Variants in TMEM179 observed in about 807,000 individuals in gnomAD.
TMEM179 encodes transmembrane protein 179A.
In TMEM179, 17 loss-of-function variants were observed where a neutral mutation model predicts 22.2. That is an observed-to-expected ratio of 0.77 (90% confidence interval 0.52 to 1.15). The LOEUF is 1.15. Among genes scored for constraint, TMEM179 ranks in the 50% most tolerant of loss-of-function variants. TMEM179 has a pLI of 0.00. For missense variants in TMEM179, 265 were observed against 313.6 expected (o/e 0.84, Z 1.17); for synonymous variants, 127 against 140.5 (o/e 0.90, Z 0.68).
chr14:104,596,196 G>A (rs889333731), intron 2 of TMEM179, among the ~76,000 whole-genome samples: 4 of 152,254 alleles, frequency 2.6e-5, no homozygotes, highest in African/African-American at 7.2e-5. Context: ...TGCATCTGTT[G>A]CAGATGCTGG....
rs1475970499 is a variant in TMEM179 at position 104,595,592 on chromosome 14, G to A, written c.444-349C>T. On this transcript the variant is annotated intron_variant, in intron 2 of 3. Coordinates refer to ENST00000556573, the MANE Select transcript of TMEM179 (RefSeq NM_001286389.2). This position sits in a 1 kb window ranked among gnomAD's most constrained non-coding sequence, Gnocchi z 5.7. ...GCCCCTCCCTGTCCTGACCCAGGAC[G>A]GCCGGAAGACGCCAGCTCAGCCTCT... 5.3e-5 allele frequency among the ~76,000 whole-genome samples: 8 copies of A among 149,804 alleles called. No homozygotes were observed. The highest frequency in any genetic ancestry group is 3.3e-3 in the Middle Eastern group (1 of 304).
rs1254096988 is a variant in TMEM179, at chr14:104,591,285, C to T, written c.*2194G>A. ...CCCAACCGGGGCCAAGCCTCAGGTT[C>T]CAGAAGCCACCCCTGCCTCCTGCCC... On this transcript the variant is annotated 3_prime_UTR_variant, in exon 4 of 4. Coordinates refer to ENST00000556573, the MANE Select transcript of TMEM179 (RefSeq NM_001286389.2). 4 of 440,976 alleles carry T rather than the reference C, an allele frequency of 9.1e-6. No homozygotes were observed. The highest frequency in any genetic ancestry group is 1.8e-5 in the Non-Finnish European group (4 of 221,326). 27.3% of individuals were successfully genotyped at this position (440,976 alleles called of 1,614,324 possible). A position where few individuals can be genotyped will look rare whatever the true frequency, so the allele number is the denominator to read the frequency against.
rs1887055703 is a variant in TMEM179 at position 104,597,131 on chromosome 14, C to T, written c.306-4G>A. On this transcript the variant is annotated splice_polypyrimidine_tract_variant and splice_region_variant and intron_variant, in intron 1 of 3. Transcript: ENST00000556573. This position sits in a 1 kb window ranked among gnomAD's most constrained non-coding sequence, Gnocchi z 4.8. ...CAGGAAGGCGGAGAAGAAGGAGCTG[C>T]AGCCAGAAACAGGAGGGGCAGGCTC... 2 of 1,583,000 alleles carry T rather than the reference C, an allele frequency of 1.3e-6. No homozygotes were observed. The highest frequency in any genetic ancestry group is 1.8e-5 in the Admixed American group (1 of 55,654).
Position 104,593,170 on chromosome 14 carries a change from G to A in TMEM179, c.*309C>T, listed in dbSNP as rs998609231. 8.8e-6 allele frequency: 4 copies of A among 452,226 alleles called. No homozygotes were observed. Among genetic ancestry groups the A allele is most frequent in the Middle Eastern group, 5.6e-4 (1 of 1,794 alleles). The allele number at this position is 452,226 out of a possible 1,614,324, so 28.0% of individuals were successfully genotyped here. ...AAGCTGGACGCCCTCCACATAGGCT[G>A]GCCAGTCAGGTCCTACTGGGACAGC... On this transcript the variant is annotated 3_prime_UTR_variant, in exon 4 of 4. Coordinates refer to ENST00000556573, the MANE Select transcript of TMEM179 (RefSeq NM_001286389.2).
Position 104,598,416 on chromosome 14 carries a change from CG to C in TMEM179, c.306-1290del, listed in dbSNP as rs765567142. Among the ~76,000 whole-genome samples, 9 of 152,334 alleles carry C rather than the reference CG, an allele frequency of 5.9e-5. No homozygotes were observed. The East Asian group carries it at 1.7e-3, about 29-fold the overall frequency. On this transcript the variant is annotated intron_variant, in intron 1 of 3. Coordinates refer to ENST00000556573, the MANE Select transcript of TMEM179 (RefSeq NM_001286389.2). Reference sequence around the variant, plus strand: ...GTGACCCACAGAAACAGCTTCACAGCGATCATTTAATAAACAAGGTCTCCCT... The same window carrying C: ...GTGACCCACAGAAACAGCTTCACAGCATCATTTAATAAACAAGGTCTCCCT...
rs567037140 is a variant in TMEM179 at position 104,591,414 on chromosome 14, G to A, written c.*2065C>T. ...TGGGGACACAGACAAGGAGCTCTCCGGACTGGAAAGAGTCCCCATGTCCAG... is the reference window on the plus strand; with the variant it reads ...TGGGGACACAGACAAGGAGCTCTCCAGACTGGAAAGAGTCCCCATGTCCAG... On this transcript the variant is annotated 3_prime_UTR_variant, in exon 4 of 4. Coordinates refer to ENST00000556573, the MANE Select transcript of TMEM179 (RefSeq NM_001286389.2). 23 of 455,960 alleles carry A rather than the reference G, an allele frequency of 5.0e-5. 1 individual carries two copies. The highest frequency in any genetic ancestry group is 1.4e-4 in the South Asian group (9 of 64,558). 28.2% of individuals were successfully genotyped at this position (455,960 alleles called of 1,614,324 possible).
chr14:104,603,281 G>T (rs557334174), intron 1 of TMEM179, among the ~76,000 whole-genome samples: 1 of 152,164 alleles, frequency 6.6e-6, no homozygotes. Flanking sequence ...GGGGGCAACA[G>T]GAGGGCTTCC....
At chr14:104,594,390 T>C (rs949484849) in intron 3 of TMEM179, 4 of 1,231,632 alleles carry the variant, frequency 3.2e-6, no homozygotes, top group Non-Finnish European at 4.0e-6. Context: ...GGGTCCGGAA[T>C]TGGACCTGAA....
At position 104,604,540 on chromosome 14, in the gene TMEM179, G is replaced by GC. The variant is rs1445151806; in HGVS notation, c.201dup (p.Pro68AlafsTer83). The GC allele has an allele frequency of 6.5e-7, 1 of 1,539,146 alleles. No individual in the cohort carries two copies. The highest frequency in any genetic ancestry group is 8.7e-7 in the Non-Finnish European group (1 of 1,145,964). Reference sequence around the variant, plus strand: ...AGCAGGCTGAAGCGGCAGGCGGCCGGCGGGCCCCACTCCTGCACCGTGAAG... The same window carrying GC: ...AGCAGGCTGAAGCGGCAGGCGGCCGGCCGGGCCCCACTCCTGCACCGTGAAG... On this transcript the variant is annotated frameshift_variant, in exon 1 of 4. Coordinates refer to ENST00000556573, the MANE Select transcript of TMEM179 (RefSeq NM_001286389.2). LOFTEE classifies it high-confidence loss of function. The surrounding 1 kb of genome is among the most constrained non-coding windows in gnomAD (Gnocchi z 4.6).
Position 104,597,077 on chromosome 14 carries a change from A to G in TMEM179, c.356T>C (p.Phe119Ser). Reference sequence around the variant, plus strand: ...GATGGTGCTGGCAATGAAGACCAGGAAGACCACGAAGGCGCTGACCAGGAG... The same window carrying G: ...GATGGTGCTGGCAATGAAGACCAGGGAGACCACGAAGGCGCTGACCAGGAG... ...LNLLVSAFVV[F>S]LVFIASTIVS... The change falls in exon 2 of 4, where the codon TTC (phenylalanine) becomes TCC (serine). Residue 119 changes from phenylalanine to serine, a missense_variant. Physicochemically the swap from Phe to Ser is radical, Grantham distance 155. Transcript: ENST00000556573. The surrounding 1 kb of genome is among the most constrained non-coding windows in gnomAD (Gnocchi z 4.8). 3 of 1,608,274 alleles carry G rather than the reference A, an allele frequency of 1.9e-6. No individual in the cohort carries two copies. Among genetic ancestry groups the G allele is most frequent in the African/African-American group, 1.3e-5 (1 of 74,908 alleles).
In TMEM179 at chr14:104,597,090, C is replaced by A. The variant is rs776030316; in HGVS notation, c.343G>T (p.Ala115Ser). 1 of 1,606,266 alleles carries A rather than the reference C, an allele frequency of 6.2e-7. No homozygotes were observed. The highest frequency in any genetic ancestry group is 8.5e-7 in the Non-Finnish European group (1 of 1,177,134). ...FSAFLNLLVS[A>S]FVVFLVFIAS... The stretch of plus-strand genomic sequence containing the variant: ...ATGAAGACCAGGAAGACCACGAAGG[C>A]GCTGACCAGGAGGTTCAGGAAGGCG... Residue 115 changes from alanine to serine, a missense_variant, in exon 2 of 4, where the codon GCC becomes TCC. Ala to Ser is a moderately conservative substitution (Grantham distance 99). Coordinates refer to ENST00000556573, the MANE Select transcript of TMEM179 (RefSeq NM_001286389.2). This position sits in a 1 kb window ranked among gnomAD's most constrained non-coding sequence, Gnocchi z 4.8.
rs1262078145 is a variant in TMEM179 at position 104,595,553 on chromosome 14, G to T, written c.444-310C>A. ...TGCCCCACACTCTGAGGATCACGGG[G>T]TCTCAGAGGCCAGGCCCCTCCCTGT... is the stretch of plus-strand genomic sequence containing the variant. On this transcript the variant is annotated intron_variant, in intron 2 of 3. Transcript: ENST00000556573. The surrounding 1 kb of genome is among the most constrained non-coding windows in gnomAD (Gnocchi z 5.7). Among the ~76,000 whole-genome samples, 2 of 151,700 alleles carry T rather than the reference G, an allele frequency of 1.3e-5. No individual in the cohort carries two copies. Among genetic ancestry groups the T allele is most frequent in the Non-Finnish European group, 2.9e-5 (2 of 67,894 alleles).
chr14:104,599,819 C>T (rs1189632001), intron 1 of TMEM179, among the ~76,000 whole-genome samples: 1 of 152,108 alleles, frequency 6.6e-6, no homozygotes, highest in African/African-American at 2.4e-5. Context: ...GTCTTTCAGA[C>T]CCTGAAAGAC....
intron 3 of TMEM179, chr14:104,594,889 C>T: frequency 7.7e-7 from 1 of 1,302,308 alleles, no homozygotes; most frequent in Non-Finnish European, 9.8e-7. Context: ...CCCACACCCC[C>T]ACACTTCCCA....
intron 1 of TMEM179, among the ~76,000 whole-genome samples, chr14:104,603,446 T>C (rs927536875): frequency 3.2e-4 from 48 of 150,988 alleles, no homozygotes; most frequent in Middle Eastern, 3.4e-3. Context: ...GATCTCGGGC[T>C]GCTCCTGGGC....
At chr14:104,602,102 T>G (rs538227311) in intron 1 of TMEM179, among the ~76,000 whole-genome samples, 1 of 152,272 alleles carries the variant, frequency 6.6e-6, no homozygotes, top group Admixed American at 6.5e-5. Flanking sequence ...GTGCTGGCAG[T>G]TTGCCACGGC....
At position 104,590,915 on chromosome 14, in the gene TMEM179, GAT is replaced by G. The variant is rs1886825770; in HGVS notation, c.*2562_*2563del. On this transcript the variant is annotated 3_prime_UTR_variant, in exon 4 of 4. Transcript: ENST00000556573. ...TTAGCCAGAGTGGAATTAGAACAGG[GAT>G]ATCATTAACAGCCAGCCAGGACAGA... 1 of 166,006 alleles carries G rather than the reference GAT, an allele frequency of 6.0e-6. No homozygotes were observed. The highest frequency in any genetic ancestry group is 2.4e-5 in the African/African-American group (1 of 41,518). The allele number at this position is 166,006 out of a possible 1,614,324, so 10.3% of individuals were successfully genotyped here.
chr14:104,596,309 G>A (rs1409695878), intron 2 of TMEM179, among the ~76,000 whole-genome samples: 82 of 152,302 alleles, frequency 5.4e-4, no homozygotes, highest in Non-Finnish European at 1.2e-4. Flanking sequence ...CCCTCAGGGC[G>A]GGGCATCCCA....
intron 3 of TMEM179, chr14:104,594,956 C>A (rs1468789763): frequency 7.2e-7 from 1 of 1,383,792 alleles, no homozygotes. Flanking sequence ...GCCATCTCCT[C>A]CCCAAACCCA....
Sources: gnomAD v4.1 joint callset for allele counts (sites outside exome capture counted in the v4.1 genomes callset) on GRCh38, gnomAD v4.1.1 for gene constraint, Gnocchi (gnomAD v3.1) non-coding constraint, MANE v1.5 for transcripts, NCBI Gene and HGNC (gene_info 2026-07-23, HGNC 2026-07-21) for gene names.